The following ANKS1B variants were observed in gnomAD, a reference collection of about 807,000 sequenced individuals.
The protein encoded by ANKS1B is ankyrin repeat and sterile alpha motif domain containing 1B, also known as ankyrin repeat and sterile alpha motif domain-containing protein 1B.
In ANKS1B, 36 loss-of-function variants were observed where a neutral mutation model predicts 148.3. That is an observed-to-expected ratio of 0.24 (90% CI 0.19 to 0.32). The LOEUF (loss-of-function observed/expected upper bound fraction) is 0.32, where lower values mean the gene tolerates loss of function less well. Ranked by LOEUF, ANKS1B falls within the 10% of genes least tolerant of loss-of-function variation. The pLI, the probability that ANKS1B is intolerant of heterozygous loss-of-function variation, is 1.00. For synonymous variants in ANKS1B, 542 were observed against 560.8 expected, an observed-to-expected ratio of 0.97 and a Z score of 0.47; for missense variants, 1,157 against 1,542.6, an observed-to-expected ratio of 0.75 and a Z score of 4.19.
intron 12 of ANKS1B, among the ~76,000 whole-genome samples, chr12:99,279,973 C>T (rs1275455582): frequency 6.6e-6 from 1 of 151,824 alleles, no homozygotes; most frequent in Admixed American, 6.6e-5. Flanking sequence ...AACTGCACTC[C>T]AGCCTAGGTG....
chr12:99,329,981 T>C (rs1320245341), intron 12 of ANKS1B, among the ~76,000 whole-genome samples: 1 of 151,944 alleles, frequency 6.6e-6, no homozygotes, highest in Non-Finnish European at 1.5e-5. Context: ...AACTTGCATC[T>C]ATTTCTCCCT....
At chr12:99,649,645 C>T in intron 9 of ANKS1B, 1 of 438,042 alleles carries the variant, frequency 2.3e-6, no homozygotes, top group Non-Finnish European at 4.1e-6. Flanking sequence ...GTGGGTGCTT[C>T]CATGTCTTAA....
chr12:98,743,958 C>T (rs955847083), downstream of ANKS1B: 33 of 968,774 alleles, frequency 3.4e-5, no homozygotes, highest in South Asian at 1.4e-4. Flanking sequence ...GCTCACAGAA[C>T]GATGCCAAGC....
rs78291034 is a variant in ANKS1B at position 99,896,131 on chromosome 12, G to T, written c.135-70742C>A. Among the ~76,000 whole-genome samples, 257 of 151,178 alleles carry T rather than the reference G, an allele frequency of 1.7e-3. 12 individuals are homozygous for T. In the East Asian group the frequency reaches 0.041, roughly 24 times the overall value. The stretch of plus-strand genomic sequence containing the variant: ...AATCTACTCTCTTAGCACATTTCCA[G>T]TATACAATATTATTAACTACAGTCC... On this transcript the variant is annotated intron_variant, in intron 1 of 26. Transcript: ENST00000683438.
intron 4 of ANKS1B, among the ~76,000 whole-genome samples, chr12:99,804,965 C>T (rs1650179720): frequency 1.3e-5 from 2 of 152,138 alleles, no homozygotes; most frequent in South Asian, 4.1e-4. Context: ...AACATCCAGC[C>T]AGCCTCTGAA....
chr12:98,763,452 A>G (rs922364245), intron 25 of ANKS1B, among the ~76,000 whole-genome samples: 1 of 152,274 alleles, frequency 6.6e-6, no homozygotes, highest in African/African-American at 2.4e-5. Context: ...CAACTGGCCA[A>G]AATGCAGGTA....
intron 1 of ANKS1B, among the ~76,000 whole-genome samples, chr12:99,957,948 T>G (rs1479209165): frequency 6.6e-6 from 1 of 152,204 alleles, no homozygotes; most frequent in Non-Finnish European, 1.5e-5. Flanking sequence ...AACCAAAGTT[T>G]CAGACTTAAA....
chr12:99,899,116 T>A (rs1215323650), intron 1 of ANKS1B, among the ~76,000 whole-genome samples: 2 of 152,212 alleles, frequency 1.3e-5, no homozygotes, highest in African/African-American at 4.8e-5. Context: ...CTAAATTCTT[T>A]GTGTGCCTTG....
At chr12:98,897,153 G>C (rs1025599337) in intron 17 of ANKS1B, among the ~76,000 whole-genome samples, 2 of 152,136 alleles carry the variant, frequency 1.3e-5, no homozygotes, top group African/African-American at 4.8e-5. Context: ...GGGAGAGCTG[G>C]GAGGGGAAGT....
chr12:99,814,797 T>C (rs1395152454), intron 2 of ANKS1B, among the ~76,000 whole-genome samples: 1 of 151,820 alleles, frequency 6.6e-6, no homozygotes, highest in East Asian at 1.9e-4. Context: ...GATGTAATTG[T>C]AAAATTATAT....
intron 9 of ANKS1B, among the ~76,000 whole-genome samples, chr12:99,633,186 C>A (rs1449346946): frequency 6.6e-6 from 1 of 151,926 alleles, no homozygotes; most frequent in Non-Finnish European, 1.5e-5. Context: ...GGTTCCAAGT[C>A]TTTGCTATTG....
At chr12:99,460,307 C>A (rs1482361164) in intron 10 of ANKS1B, among the ~76,000 whole-genome samples, 1 of 151,990 alleles carries the variant, frequency 6.6e-6, no homozygotes, top group African/African-American at 2.4e-5. Flanking sequence ...GAAACCATAA[C>A]AATTCTAGGA....
At chr12:99,458,939 C>T (rs1366986365) in intron 10 of ANKS1B, among the ~76,000 whole-genome samples, 1 of 151,956 alleles carries the variant, frequency 6.6e-6, no homozygotes, top group Non-Finnish European at 1.5e-5. Flanking sequence ...AATACCAAAA[C>T]CAGGAAAGGA....
chr12:99,412,084 A>G (rs1317987698), intron 11 of ANKS1B, among the ~76,000 whole-genome samples: 2 of 151,924 alleles, frequency 1.3e-5, no homozygotes, highest in Non-Finnish European at 2.9e-5. Context: ...CTTTTTTTTC[A>G]AGTATTCCAT....
chr12:99,337,069 T>C (rs1051505330), intron 12 of ANKS1B, among the ~76,000 whole-genome samples: 1 of 152,168 alleles, frequency 6.6e-6, no homozygotes, highest in Non-Finnish European at 1.5e-5. Flanking sequence ...GAAAGTTCTC[T>C]TTTATTATAC....
chr12:99,543,943 G>A (rs1011932563), intron 9 of ANKS1B, among the ~76,000 whole-genome samples: 3 of 152,064 alleles, frequency 2.0e-5, no homozygotes, highest in African/African-American at 7.2e-5. Flanking sequence ...GCAAGACCAA[G>A]ATAAATGACA....
intron 14 of ANKS1B, among the ~76,000 whole-genome samples, chr12:99,239,156 G>A (rs1482897441): frequency 6.6e-6 from 1 of 152,146 alleles, no homozygotes; most frequent in Non-Finnish European, 1.5e-5. Context: ...TCTCAAGGAA[G>A]CTAAAAACCC....
At chr12:99,115,962 T>C (rs1298779198) in intron 15 of ANKS1B, among the ~76,000 whole-genome samples, 1 of 151,304 alleles carries the variant, frequency 6.6e-6, no homozygotes, top group African/African-American at 2.4e-5. Context: ...AAAGATGCTC[T>C]TAAGCTGGAT....
chr12:98,757,955 T>TGCAC lies in ANKS1B; in HGVS notation c.3580-6434_3580-6433insGTGC, dbSNP rs2098298641. On this transcript the variant is annotated intron_variant, in intron 25 of 26. Coordinates refer to ENST00000683438, the MANE Select transcript of ANKS1B (RefSeq NM_001352186.2). ...GTGTGCACGTGTGTGTGTGTGTGTG[T>TGCAC]GTGCACACGGGGTGCAGGTGTGAGG... 3.4e-5 allele frequency among the ~76,000 whole-genome samples: 5 copies of TGCAC among 147,354 alleles called. 1 individual carries two copies. The South Asian group carries it at 8.6e-4, about 25-fold the overall frequency.
Sources: allele counts gnomAD v4.1 joint callset (sites outside exome capture counted in the v4.1 genomes callset), GRCh38; gene constraint gnomAD v4.1.1; transcripts MANE v1.5; gene names NCBI Gene and HGNC (gene_info 2026-07-23, HGNC 2026-07-21).